JAKMIP2: variants seen among roughly 807,000 people sequenced by gnomAD.
JAKMIP2 encodes janus kinase and microtubule-interacting protein 2.
JAKMIP2 carries 25 observed loss-of-function variants against 115.0 expected under a neutral mutation model. The observed-to-expected ratio is 0.22, with a 90% CI of 0.16 to 0.30. The LOEUF (loss-of-function observed/expected upper bound fraction) is 0.30. JAKMIP2 is among the 10% of genes least tolerant of loss of function. The probability of loss-of-function intolerance (pLI) is 1.00; values close to 1 mark genes in which losing one functional copy is unlikely to be tolerated. For synonymous variants in JAKMIP2, 334 were observed against 343.6 expected (o/e 0.97, Z 0.31); for missense variants, 642 against 957.6 (o/e 0.67, Z 4.35).
At chr5:147,647,358 A>G (rs1758181715) in intron 5 of JAKMIP2, among the ~76,000 whole-genome samples, 2 of 152,138 alleles carry the variant, frequency 1.3e-5, no homozygotes, top group Admixed American at 6.5e-5. Flanking sequence ...AAATGCATAT[A>G]TTTGAAAAAA....
At chr5:147,730,256 C>A (rs6871771) in intron 1 of JAKMIP2, among the ~76,000 whole-genome samples, 27,019 of 152,066 alleles carry the variant, frequency 0.18, 3,539 homozygotes, top group East Asian at 0.48. Flanking sequence ...GACAAAGATT[C>A]TTTGCCTGGC....
intron 16 of JAKMIP2, among the ~76,000 whole-genome samples, chr5:147,624,912 A>G (rs1325379683): frequency 6.6e-6 from 1 of 152,194 alleles, no homozygotes; most frequent in Non-Finnish European, 1.5e-5. Context: ...AAAAAACATG[A>G]GGCAGTATCC....
At chr5:147,626,824 G>A (rs1469002265) in intron 16 of JAKMIP2, among the ~76,000 whole-genome samples, 2 of 152,082 alleles carry the variant, frequency 1.3e-5, no homozygotes, top group Non-Finnish European at 2.9e-5. Context: ...CCCATGTTTT[G>A]TTTGTAGCCC....
At chr5:147,673,378 G>A (rs936832355) in intron 1 of JAKMIP2, among the ~76,000 whole-genome samples, 1 of 152,184 alleles carries the variant, frequency 6.6e-6, no homozygotes, top group Non-Finnish European at 1.5e-5. Flanking sequence ...GGGAACTCCT[G>A]CTGACCACCC....
chr5:147,740,114 G>A (rs1370006541), intron 1 of JAKMIP2, among the ~76,000 whole-genome samples: 1 of 152,196 alleles, frequency 6.6e-6, no homozygotes, highest in Non-Finnish European at 1.5e-5. Context: ...CAAGCAAATG[G>A]TTTCTTTTTT....
intron 1 of JAKMIP2, among the ~76,000 whole-genome samples, chr5:147,738,135 C>T (rs1412135492): frequency 6.6e-6 from 1 of 152,120 alleles, no homozygotes; most frequent in Non-Finnish European, 1.5e-5. Flanking sequence ...ATCTTGTGTA[C>T]ACAGCACGAA....
At chr5:147,652,167 C>T (rs1474568097) in intron 3 of JAKMIP2, among the ~76,000 whole-genome samples, 2 of 151,980 alleles carry the variant, frequency 1.3e-5, no homozygotes, top group African/African-American at 4.8e-5. Flanking sequence ...TAGGTTCAGT[C>T]GTCATCATTT....
chr5:147,716,073 G>C (rs9765209), intron 1 of JAKMIP2, among the ~76,000 whole-genome samples: 39,651 of 138,102 alleles, frequency 0.29, 6,367 homozygotes, highest in East Asian at 0.49. Flanking sequence ...CAATTCCCAC[G>C]TATGAGTGAG....
chr5:147,650,439 C>G lies in JAKMIP2; in HGVS notation c.736G>C (p.Glu246Gln). 2.5e-6 allele frequency: 4 copies of G among 1,613,678 alleles called. No individual in the cohort carries two copies. The highest frequency in any genetic ancestry group is 1.3e-5 in the African/African-American group (1 of 75,004). The change falls in exon 4 of 22, where the codon GAA (glutamate) becomes CAA (glutamine). Residue 246 changes from glutamate (E) to glutamine (Q), a missense_variant. Physicochemically the swap from Glu to Gln is conservative, Grantham distance 29. This residue lies in a region of JAKMIP2 where 439 missense variants were observed against 570.9 expected (regional missense o/e 0.77). Transcript: ENST00000616793. ...KLQLQKEALD[E>Q]QLFLVKEAEC... ...GCCTCCTTGACCAGAAAGAGTTGTT[C>G]GTCCAAAGCCTCCTTCTGAAGTTGG... is the stretch of plus-strand genomic sequence containing the variant.
chr5:147,673,664 G>A (rs1231729158), intron 1 of JAKMIP2, among the ~76,000 whole-genome samples: 1 of 152,184 alleles, frequency 6.6e-6, no homozygotes, highest in Non-Finnish European at 1.5e-5. Flanking sequence ...TTAAAGTGCA[G>A]GGCTGCGAGG....
chr5:147,599,884 G>C (rs1287362541), intron 21 of JAKMIP2, among the ~76,000 whole-genome samples: 1 of 152,044 alleles, frequency 6.6e-6, no homozygotes, highest in African/African-American at 2.4e-5. Context: ...CTATCCCACA[G>C]GGGATTTCAT....
chr5:147,591,743 T>C, intron 21 of JAKMIP2, 57 bp from the exon 22 acceptor site: 1 of 1,097,228 alleles, frequency 9.1e-7, no homozygotes, highest in South Asian at 1.4e-5. Context: ...AGCTGAATCA[T>C]AAAAAACAAA....
chr5:147,603,757 G>T (rs983733561), intron 20 of JAKMIP2, among the ~76,000 whole-genome samples: 1 of 152,134 alleles, frequency 6.6e-6, no homozygotes, highest in African/African-American at 2.4e-5. Flanking sequence ...AAAAGTTCAG[G>T]AAGTTCAGAC....
chr5:147,769,706 A>G (rs1755278981), intron 1 of JAKMIP2, among the ~76,000 whole-genome samples: 1 of 149,674 alleles, frequency 6.7e-6, no homozygotes, highest in Non-Finnish European at 1.5e-5. Flanking sequence ...TTTTTTCAAA[A>G]TATTAGGACA....
intron 1 of JAKMIP2, among the ~76,000 whole-genome samples, chr5:147,707,709 G>A (rs1222518277): frequency 6.6e-6 from 1 of 152,136 alleles, no homozygotes; most frequent in African/African-American, 2.4e-5. Context: ...ACATTTGACT[G>A]ACTGTGGATG....
chr5:147,703,676 C>T (rs573544521), intron 1 of JAKMIP2, among the ~76,000 whole-genome samples: 1 of 151,818 alleles, frequency 6.6e-6, no homozygotes, highest in African/African-American at 2.4e-5. Flanking sequence ...ATCCTCCTAC[C>T]TCAGCCTCAA....
chr5:147,693,117 A>T (rs1352267480), intron 1 of JAKMIP2, among the ~76,000 whole-genome samples: 2 of 152,190 alleles, frequency 1.3e-5, no homozygotes, highest in Non-Finnish European at 2.9e-5. Context: ...ATAATATGAT[A>T]TTCACATATC....
At chr5:147,629,818 G>T in intron 14 of JAKMIP2, 72 bp from the exon 15 acceptor site, 1 of 1,189,552 alleles carries the variant, frequency 8.4e-7, no homozygotes, top group Non-Finnish European at 1.2e-6. Context: ...TGAACATGAA[G>T]TTAGAGGAAG....
rs1200366884 is a variant in JAKMIP2 at position 147,671,925 on chromosome 5, A to G, written c.-119T>C. On this transcript the variant is annotated 5_prime_UTR_variant, in exon 2 of 22. Transcript: ENST00000616793. ...CATCTACTGTGTGGTGCTCCTTGGTAAGGTCTCCTCAATCGCTGCCCTGGA... is the reference window on the plus strand; with the variant it reads ...CATCTACTGTGTGGTGCTCCTTGGTGAGGTCTCCTCAATCGCTGCCCTGGA... The G allele has an allele frequency of 1.7e-5, 23 of 1,346,140 alleles. No homozygotes were observed. Among genetic ancestry groups the G allele is most frequent in the Non-Finnish European group, 2.9e-6 (3 of 1,041,916 alleles). 83.4% of individuals were successfully genotyped at this position (1,346,140 alleles called of 1,614,324 possible).
Sources: gnomAD v4.1 joint callset for allele counts (sites outside exome capture counted in the v4.1 genomes callset) on GRCh38, gnomAD v4.1.1 for gene constraint, gnomAD v4.1.1 regional missense constraint, MANE v1.5 for transcripts, NCBI Gene and HGNC (gene_info 2026-07-23, HGNC 2026-07-21) for gene names.